The following ANXA4 variants were observed in gnomAD, a reference collection of about 807,000 sequenced individuals.
ANXA4 encodes 35-beta calcimedin.
In ANXA4, 39 loss-of-function variants were observed where a neutral mutation model predicts 49.8. The ratio of observed to expected loss-of-function variants is 0.78; its 90% CI spans 0.61 to 1.02. The LOEUF is 1.02. ANXA4 is among the 50% of genes least tolerant of loss of function. ANXA4 has a pLI of 0.00. For synonymous variants in ANXA4, 134 were observed against 152.5 expected, an observed-to-expected ratio of 0.88 and a Z score of 0.89; for missense variants, 360 against 410.1, an observed-to-expected ratio of 0.88 and a Z score of 1.05.
intron 1 of ANXA4, among the ~76,000 whole-genome samples, chr2:69,647,799 C>T (rs1676067338): frequency 6.6e-6 from 1 of 152,160 alleles, no homozygotes; most frequent in African/African-American, 2.4e-5. Context: ...TCAGGTGATC[C>T]TCCCACCTCA....
intron 1 of ANXA4, among the ~76,000 whole-genome samples, chr2:69,752,124 A>G (rs148175976): frequency 3.9e-5 from 6 of 152,310 alleles, no homozygotes; most frequent in African/African-American, 1.4e-4. Context: ...GGGCTTATGC[A>G]CAGTTGTGGA....
chr2:69,655,610 G>A (rs1351958365), intron 2 of ANXA4, among the ~76,000 whole-genome samples: 1 of 152,192 alleles, frequency 6.6e-6, no homozygotes, highest in Non-Finnish European at 1.5e-5. Context: ...CATTGTGGAA[G>A]ACAGTGTGGC....
intron 3 of ANXA4, chr2:69,720,897 A>C (rs898442951): frequency 6.6e-6 from 1 of 152,310 alleles, no homozygotes; most frequent in African/African-American, 2.4e-5. Context: ...CATGCAGAGC[A>C]AAGAGTTGAG....
chr2:69,676,784 T>C (rs1022851946), intron 2 of ANXA4, among the ~76,000 whole-genome samples: 2 of 151,988 alleles, frequency 1.3e-5, no homozygotes, highest in Non-Finnish European at 1.5e-5. Context: ...TCCCAGCTAC[T>C]AGGGAGGCTG....
At chr2:69,676,096 GT>G (rs1309523952) in intron 2 of ANXA4, among the ~76,000 whole-genome samples, 1 of 151,482 alleles carries the variant, frequency 6.6e-6, no homozygotes, top group Non-Finnish European at 1.5e-5. Flanking sequence ...ATAAAAAGAA[GT>G]TTTAAAAAAC....
intron 2 of ANXA4, among the ~76,000 whole-genome samples, chr2:69,671,737 T>C (rs1677198900): frequency 6.6e-6 from 1 of 152,090 alleles, no homozygotes; most frequent in Admixed American, 6.6e-5. Flanking sequence ...AATATATATA[T>C]ATACACACAT....
chr2:69,749,301 G>C (rs961851880), intron 1 of ANXA4, among the ~76,000 whole-genome samples: 12 of 152,170 alleles, frequency 7.9e-5, no homozygotes, highest in African/African-American at 2.4e-4. Flanking sequence ...TCAGATAAGG[G>C]AACTTCAGAG....
intron 1 of ANXA4, among the ~76,000 whole-genome samples, chr2:69,768,556 T>C (rs767403618): frequency 7.2e-5 from 11 of 152,188 alleles, no homozygotes; most frequent in Non-Finnish European, 1.5e-4. Flanking sequence ...ATGAAAGGTA[T>C]ACAGGCGGAA....
intron 2 of ANXA4, among the ~76,000 whole-genome samples, chr2:69,681,269 G>GT (rs1484024434): frequency 6.6e-6 from 1 of 151,542 alleles, no homozygotes; most frequent in African/African-American, 2.4e-5. Context: ...TTTCCTCTAG[G>GT]TTTTCCAGTT....
chr2:69,766,120 A>G (rs1380007110), intron 1 of ANXA4, among the ~76,000 whole-genome samples: 2 of 152,244 alleles, frequency 1.3e-5, no homozygotes, highest in East Asian at 3.8e-4. Context: ...GGACTTGGTG[A>G]CCAAAAGAAC....
At position 69,781,274 on chromosome 2, in the gene ANXA4, G is replaced by T. The variant is rs1672187530; in HGVS notation, c.-46-246G>T. 3 of 546,560 alleles carry T rather than the reference G, an allele frequency of 5.5e-6. No homozygotes were observed. The African/African-American group carries it at 5.7e-5, about 10-fold the overall frequency. The allele number at this position is 546,560 out of a possible 1,614,324, so 33.9% of individuals were successfully genotyped here. A position where few individuals can be genotyped will look rare whatever the true frequency, so the allele number is the denominator to read the frequency against. ...CAAAACAATAGGAATCCTTTCTGTA[G>T]TGTGTATCTCCAAACAGAAGAACAG... On this transcript the variant is annotated intron_variant, in intron 1 of 12. Coordinates refer to ENST00000394295, the MANE Select transcript of ANXA4 (RefSeq NM_001153.5).
intron 2 of ANXA4, among the ~76,000 whole-genome samples, chr2:69,694,290 C>T (rs1391805614): frequency 6.6e-6 from 1 of 152,004 alleles, no homozygotes; most frequent in East Asian, 1.9e-4. Flanking sequence ...TCCTGTGAAG[C>T]AGAAAGTAAG....
chr2:69,704,470 G>T (rs1306642272), intron 2 of ANXA4, among the ~76,000 whole-genome samples: 3 of 152,168 alleles, frequency 2.0e-5, no homozygotes, highest in Non-Finnish European at 4.4e-5. Context: ...GGCCAACTCG[G>T]TTTATTTCTG....
chr2:69,656,187 A>ATG (rs1559045292), intron 2 of ANXA4, among the ~76,000 whole-genome samples: 30 of 123,046 alleles, frequency 2.4e-4, no homozygotes, highest in African/African-American at 9.5e-4. Context: ...AAATATATAT[A>ATG]CGTATATATA....
chr2:69,770,080 G>T (rs1358132144), intron 1 of ANXA4, among the ~76,000 whole-genome samples: 1 of 152,196 alleles, frequency 6.6e-6, no homozygotes, highest in Non-Finnish European at 1.5e-5. Flanking sequence ...CTAGCTGGGT[G>T]CTAGGCTGGA....
chr2:69,738,321 T>G (rs1406946436), upstream of ANXA4, among the ~76,000 whole-genome samples: 3 of 152,136 alleles, frequency 2.0e-5, no homozygotes, highest in East Asian at 5.8e-4. Context: ...CAAAGAAAAG[T>G]ATTCCAAACT....
chr2:69,718,759 A>T (rs1169227306), intron 2 of ANXA4, among the ~76,000 whole-genome samples: 1 of 143,706 alleles, frequency 7.0e-6, no homozygotes, highest in Non-Finnish European at 1.5e-5. Flanking sequence ...ATGCATACAC[A>T]CACATACACA....
At chr2:69,789,924 C>A (rs749766065) in intron 3 of ANXA4, among the ~76,000 whole-genome samples, 3 of 152,228 alleles carry the variant, frequency 2.0e-5, no homozygotes, top group Non-Finnish European at 4.4e-5. Flanking sequence ...AATCTTACTG[C>A]GCCTAAAGGG....
chr2:69,651,800 C>CTTT (rs78927191), intron 1 of ANXA4, among the ~76,000 whole-genome samples: 13 of 56,664 alleles, frequency 2.3e-4, no homozygotes, highest in African/African-American at 7.1e-4. Context: ...CCGCGCCCGG[C>CTTT]TTTTTTTTTT....
Sources: gnomAD v4.1 joint callset for allele counts (sites outside exome capture counted in the v4.1 genomes callset) on GRCh38, gnomAD v4.1.1 for gene constraint, MANE v1.5 for transcripts, NCBI Gene and HGNC (gene_info 2026-07-23, HGNC 2026-07-21) for gene names.